The following PKP4 variants were observed in gnomAD, a reference collection of about 807,000 sequenced individuals.
The protein encoded by PKP4 is plakophilin 4.
Under a neutral mutation model 145.1 loss-of-function variants are expected in PKP4, and 90 were observed. That is an observed-to-expected ratio of 0.62 (90% CI 0.52 to 0.74). The LOEUF (loss-of-function observed/expected upper bound fraction) is 0.74, where lower values mean the gene tolerates loss of function less well. PKP4 is among the 30% of genes least tolerant of loss of function. PKP4 has a pLI of 0.00. For missense variants in PKP4, 1,340 were observed against 1,482.7 expected (o/e 0.90, Z 1.58); for synonymous variants, 563 against 577.2 (o/e 0.98, Z 0.35).
rs1416184531 is a variant in PKP4 at position 158,669,108 on chromosome 2, A to G, written c.2729-612A>G. The stretch of plus-strand genomic sequence containing the variant: ...ATTATTCCTGGGAGATAACATACCT[A>G]TAATTTTAATACCAGAACTTTTACT... On this transcript the variant is annotated intron_variant, in intron 16 of 21. Transcript: ENST00000389759. The G allele has an allele frequency of 5.3e-5, 8 of 152,340 alleles. No individual in the cohort carries two copies. In the East Asian group the frequency reaches 1.5e-3, roughly 29 times the overall value. The allele number at this position is 152,340 out of a possible 1,614,324, so 9.4% of individuals were successfully genotyped here.
intron 2 of PKP4, among the ~76,000 whole-genome samples, chr2:158,555,930 T>C (rs1053710529): frequency 6.6e-6 from 1 of 152,202 alleles, no homozygotes; most frequent in African/African-American, 2.4e-5. Flanking sequence ...AGCTTGCTTA[T>C]TTTGGTCACT....
chr2:158,562,256 G>A (rs981866661), intron 2 of PKP4, among the ~76,000 whole-genome samples: 7 of 152,106 alleles, frequency 4.6e-5, no homozygotes, highest in South Asian at 2.1e-4. Flanking sequence ...GTTTCTATTG[G>A]CAGTCCATTG....
At chr2:158,662,096 C>G (rs1261528968) in intron 13 of PKP4, 2 of 152,496 alleles carry the variant, frequency 1.3e-5, no homozygotes, top group Non-Finnish European at 2.9e-5. Context: ...CCAAAGCGGG[C>G]CAGTTACTTG....
chr2:158,616,974 A>G (rs539723980), intron 4 of PKP4, among the ~76,000 whole-genome samples: 1 of 152,314 alleles, frequency 6.6e-6, no homozygotes, highest in Admixed American at 6.5e-5. Context: ...AAAATATCTC[A>G]CTTTGTATTC....
At chr2:158,559,743 T>C (rs946026440) in intron 2 of PKP4, among the ~76,000 whole-genome samples, 2 of 152,064 alleles carry the variant, frequency 1.3e-5, no homozygotes, top group African/African-American at 2.4e-5. Context: ...TTTCATAAAA[T>C]AGACAAAGGA....
Position 158,533,333 on chromosome 2 carries a change from A to G in PKP4, c.132+17A>G. On this transcript the variant is annotated intron_variant, in intron 2 of 21. Transcript: ENST00000389759. ...AAGGAGCAGGTACATCCTCGTATTG[A>G]AAGTTGCAGTGAATTATTTCTTTAA... 6.2e-7 allele frequency: 1 copy of G among 1,613,584 alleles called. No homozygotes were observed. Among genetic ancestry groups the G allele is most frequent in the Non-Finnish European group, 8.5e-7 (1 of 1,179,554 alleles).
intron 1 of PKP4, among the ~76,000 whole-genome samples, chr2:158,529,341 C>G (rs2043299954): frequency 6.6e-6 from 1 of 152,332 alleles, no homozygotes; most frequent in East Asian, 1.9e-4. Context: ...CATTGGATTT[C>G]TCTTCTTCAG....
intron 8 of PKP4, 147 bp downstream of exon 8, chr2:158,632,088 A>G (rs539353494): frequency 1.5e-6 from 1 of 659,142 alleles, no homozygotes; most frequent in South Asian, 1.9e-5. Flanking sequence ...TCAATAAGCA[A>G]TAAAACAGGT....
chr2:158,598,489 C>T (rs1262288608), intron 3 of PKP4, among the ~76,000 whole-genome samples: 6 of 152,256 alleles, frequency 3.9e-5, no homozygotes, highest in African/African-American at 2.4e-5. Flanking sequence ...CTGTTATTGC[C>T]GGGCGTGGTG....
chr2:158,661,351 G>A lies in PKP4; in HGVS notation c.2112G>A (p.Gly704=), dbSNP rs1370892907. 6.2e-7 allele frequency: 1 copy of A among 1,613,640 alleles called. No individual in the cohort carries two copies. The highest frequency in any genetic ancestry group is 8.5e-7 in the Non-Finnish European group (1 of 1,179,680). Residue 704 remains glycine (G), a synonymous_variant, in exon 13 of 22, where the codon GGG becomes GGA. Coordinates refer to ENST00000389759, the MANE Select transcript of PKP4 (RefSeq NM_003628.6). ...CCTTTAGGAACCTCAGCTCCGCGGG[G>A]GAAGAAGCTCGGAAGCAAATGCGGT... The part of the protein sequence containing the change: ...TGCLRNLSSA[G]EEARKQMRSC...
Position 158,631,932 on chromosome 2 carries a change from A to C in PKP4, c.1333A>C (p.Thr445Pro), listed in dbSNP as rs781212544. Reference protein sequence around the residue: ...LQGSQTALYRTGSVGIGNLQR... With the variant: ...LQGSQTALYRPGSVGIGNLQR... ...AGGATCGCAGACGGCGTTGTATCGC[A>C]CAGGTTCAGGTGGGCATCAACTCTG... Residue 445 changes from threonine (T) to proline (P), a missense_variant, in exon 8 of 22, where the codon ACA (threonine) becomes CCA (proline). Physicochemically the swap from Thr to Pro is conservative, Grantham distance 38. Transcript: ENST00000389759. 1.2e-6 allele frequency: 2 copies of C among 1,613,600 alleles called. No homozygotes were observed. Among genetic ancestry groups the C allele is most frequent in the Non-Finnish European group, 1.7e-6 (2 of 1,179,980 alleles).
At chr2:158,493,624 GTGA>G (rs1437487637) in intron 1 of PKP4, among the ~76,000 whole-genome samples, 2 of 152,202 alleles carry the variant, frequency 1.3e-5, no homozygotes, top group Non-Finnish European at 2.9e-5. Context: ...ACTGAAGTCG[GTGA>G]CACAGTGACG....
At chr2:158,492,630 T>C (rs976109211) in intron 1 of PKP4, among the ~76,000 whole-genome samples, 1 of 152,120 alleles carries the variant, frequency 6.6e-6, no homozygotes, top group Non-Finnish European at 1.5e-5. Flanking sequence ...GACAACCCAC[T>C]CCATGGGAAA....
At chr2:158,590,833 T>C (rs72938752) in intron 3 of PKP4, among the ~76,000 whole-genome samples, 30,311 of 151,982 alleles carry the variant, frequency 0.2, 3,886 homozygotes, top group Middle Eastern at 0.36. Flanking sequence ...GGAAAGGTAG[T>C]GAGAAGTTTT....
In PKP4 at chr2:158,661,400, C is replaced by G. The variant is rs1371374044; in HGVS notation, c.2161C>G (p.Leu721Val). 1 of 1,613,796 alleles carries G rather than the reference C, an allele frequency of 6.2e-7. No individual in the cohort carries two copies. Among genetic ancestry groups the G allele is most frequent in the Non-Finnish European group, 8.5e-7 (1 of 1,179,836 alleles). Residue 721 changes from leucine (L) to valine (V), a missense_variant, in exon 13 of 22, where the codon CTG (leucine) becomes GTG (valine). Transcript: ENST00000389759. ...MRSCEGLVDS[L>V]LYVIHTCVNT... ...GTCCTGCGAGGGGCTGGTAGACTCA[C>G]TGTTGTATGTGATCCACACGTGTGT...
At chr2:158,519,985 G>C (rs1210936186) in intron 1 of PKP4, among the ~76,000 whole-genome samples, 1 of 147,490 alleles carries the variant, frequency 6.8e-6, no homozygotes, top group African/African-American at 2.5e-5. Context: ...TCCTCAGAAA[G>C]AAAAAAAAAA....
chr2:158,494,657 A>C (rs1695420603), intron 1 of PKP4, among the ~76,000 whole-genome samples: 1 of 152,220 alleles, frequency 6.6e-6, no homozygotes, highest in Admixed American at 6.5e-5. Context: ...CCCCATTATA[A>C]ATAAAGTGCA....
chr2:158,644,221 A>G (rs2054610266), intron 11 of PKP4, among the ~76,000 whole-genome samples: 1 of 152,232 alleles, frequency 6.6e-6, no homozygotes. Context: ...AGGCCTATGA[A>G]CAGACCAACA....
rs1056532717 is a variant in PKP4 at position 158,523,965 on chromosome 2, A to G, written c.-5-9215A>G. 2.6e-4 allele frequency among the ~76,000 whole-genome samples: 21 copies of G among 82,186 alleles called. 2 individuals are homozygous for G. The highest frequency in any genetic ancestry group is 1.1e-3 in the African/African-American group (20 of 18,874). 53.9% of individuals were successfully genotyped at this position (82,186 alleles called of 152,430 possible). A position where few individuals can be genotyped will look rare whatever the true frequency, so the allele number is the denominator to read the frequency against. ...TAAAAAGAAATGAGCAAAGCCTCCA[A>G]GAAATATGGGACTATGTGAAAAGAC... On this transcript the variant is annotated intron_variant, in intron 1 of 21. Coordinates refer to ENST00000389759, the MANE Select transcript of PKP4 (RefSeq NM_003628.6).
Sources: allele counts gnomAD v4.1 joint callset (sites outside exome capture counted in the v4.1 genomes callset), GRCh38; gene constraint gnomAD v4.1.1; transcripts MANE v1.5; gene names NCBI Gene and HGNC (gene_info 2026-07-23, HGNC 2026-07-21).